Variants in ZMYM1 observed in about 807,000 individuals in gnomAD.
ZMYM1 encodes zinc finger MYM-type containing 1.
ZMYM1 carries 39 observed loss-of-function variants against 60.0 expected under a neutral mutation model. That is an observed-to-expected ratio of 0.65 (90% confidence interval 0.50 to 0.85). The LOEUF is 0.85. Among genes scored for constraint, ZMYM1 ranks in the 40% least tolerant of loss-of-function variants. The pLI, the probability that ZMYM1 is intolerant of heterozygous loss-of-function variation, is 0.00. For synonymous variants in ZMYM1, 413 were observed against 454.0 expected (o/e 0.91, Z 1.15); for missense variants, 1,171 against 1,309.5 (o/e 0.89, Z 1.63).
At chr1:35,080,405 C>T (rs1333067239) in intron 1 of ZMYM1, among the ~76,000 whole-genome samples, 1 of 151,648 alleles carries the variant, frequency 6.6e-6, no homozygotes, top group East Asian at 1.9e-4. Context: ...CAGCCTCAGC[C>T]TTCCGAGCTT....
upstream of ZMYM1, chr1:35,079,384 C>G (rs1303860252): frequency 2.0e-5 from 3 of 150,218 alleles, no homozygotes; most frequent in Non-Finnish European, 4.4e-5. Context: ...GTCGGCGGGG[C>G]CGTTTCGCTT....
chr1:35,113,793 A>G lies in ZMYM1; in HGVS notation c.1963A>G (p.Met655Val), dbSNP rs543296621. 5 of 1,613,810 alleles carry G rather than the reference A, an allele frequency of 3.1e-6. No homozygotes were observed. The highest frequency in any genetic ancestry group is 4.2e-6 in the Non-Finnish European group (5 of 1,179,894). ...IICDETINSAMKEQLSICVRY... is the reference protein window; with the variant it reads ...IICDETINSAVKEQLSICVRY... ...ATGTGATGAGACAATCAATAGTGCC[A>G]TGAAAGAACAGCTTTCAATTTGTGT... The change falls in exon 10 of 10, where the codon ATG becomes GTG. Residue 655 changes from methionine (M) to valine (V), a missense_variant. Met to Val is a conservative substitution (Grantham distance 21). Transcript: ENST00000359858.
downstream of ZMYM1, among the ~76,000 whole-genome samples, chr1:35,118,241 CAAAAAAA>C (rs11364403): frequency 2.0e-5 from 2 of 100,154 alleles, no homozygotes; most frequent in Admixed American, 9.9e-5. Flanking sequence ...AACTCCGTCT[CAAAAAAA>C]AAAAAAAAAA....
Position 35,115,458 on chromosome 1 carries a change from G to A in ZMYM1, c.*199G>A. On this transcript the variant is annotated 3_prime_UTR_variant, in exon 10 of 10. Coordinates refer to ENST00000359858, the MANE Select transcript of ZMYM1 (RefSeq NM_024772.5). ...AGAGGTATTTTTCCTAAGTGGTATT[G>A]TACGGTGTATACTGTTCTTCAGCTT... 1 of 522,120 alleles carries A rather than the reference G, an allele frequency of 1.9e-6. No homozygotes were observed. Among genetic ancestry groups the A allele is most frequent in the East Asian group, 3.6e-5 (1 of 27,860 alleles). 32.3% of individuals were successfully genotyped at this position (522,120 alleles called of 1,614,324 possible).
chr1:35,095,132 T>C (rs1643239242), intron 2 of ZMYM1, among the ~76,000 whole-genome samples: 1 of 151,924 alleles, frequency 6.6e-6, no homozygotes, highest in South Asian at 2.1e-4. Flanking sequence ...CTGAAAAAAT[T>C]GTCCTTTGTA....
chr1:35,079,701 C>A (rs1461653247), intron 1 of ZMYM1, among the ~76,000 whole-genome samples: 2 of 152,222 alleles, frequency 1.3e-5, no homozygotes, highest in Non-Finnish European at 2.9e-5. Flanking sequence ...CGATTCTCGC[C>A]GCCTCCTGCT....
intron 1 of ZMYM1, among the ~76,000 whole-genome samples, chr1:35,084,683 G>C (rs914555049): frequency 2.6e-5 from 4 of 152,190 alleles, no homozygotes; most frequent in Admixed American, 2.6e-4. Context: ...ACTCAGCATA[G>C]CTGCTATAAT....
At chr1:35,078,095 C>A (rs1642200906), upstream of ZMYM1, among the ~76,000 whole-genome samples, 1 of 152,128 alleles carries the variant, frequency 6.6e-6, no homozygotes. Context: ...GAGGAGAGAT[C>A]ATTTCAGTAA....
At chr1:35,082,578 G>A (rs1642446113) in intron 1 of ZMYM1, among the ~76,000 whole-genome samples, 1 of 151,436 alleles carries the variant, frequency 6.6e-6, no homozygotes, top group Non-Finnish European at 1.5e-5. Flanking sequence ...TGATCCGCCT[G>A]CCTCAGCCTC....
intron 1 of ZMYM1, among the ~76,000 whole-genome samples, chr1:35,073,794 A>G (rs548846971): frequency 1.3e-5 from 2 of 151,984 alleles, no homozygotes; most frequent in African/African-American, 4.8e-5. Context: ...TGTCCCTATG[A>G]TTTTGTGATG....
chr1:35,109,412 C>T (rs1214862659), intron 6 of ZMYM1, among the ~76,000 whole-genome samples: 3 of 152,268 alleles, frequency 2.0e-5, no homozygotes, highest in African/African-American at 7.2e-5. Flanking sequence ...TACAGTAATG[C>T]CTGCCTTTCA....
rs1281069747 is a variant in ZMYM1, at chr1:35,106,669, A to C, written c.807+1900A>C. On this transcript the variant is annotated intron_variant, in intron 6 of 9. Coordinates refer to ENST00000359858, the MANE Select transcript of ZMYM1 (RefSeq NM_024772.5). ...GGGAGTCAAAACAAGCCATAATTCAAATAGATCATTTGTGACTCACATCTT... is the reference window on the plus strand; with the variant it reads ...GGGAGTCAAAACAAGCCATAATTCACATAGATCATTTGTGACTCACATCTT... Among the ~76,000 whole-genome samples the C allele has an allele frequency of 8.5e-5, 13 of 152,166 alleles. No homozygotes were observed. The South Asian group carries it at 2.1e-3, about 24-fold the overall frequency.
At chr1:35,079,854 G>A (rs1442599653) in intron 1 of ZMYM1, among the ~76,000 whole-genome samples, 2 of 152,214 alleles carry the variant, frequency 1.3e-5, no homozygotes, top group African/African-American at 4.8e-5. Flanking sequence ...CCTCAAGCCT[G>A]TAATCCCGAC....
chr1:35,060,617 C>G (rs945174686), intron 1 of ZMYM1, among the ~76,000 whole-genome samples: 3 of 152,146 alleles, frequency 2.0e-5, no homozygotes, highest in African/African-American at 4.8e-5. Flanking sequence ...GTGCTGCCTC[C>G]TTCGCCCCTC....
At chr1:35,085,269 G>T (rs1052879540) in intron 1 of ZMYM1, among the ~76,000 whole-genome samples, 1 of 152,032 alleles carries the variant, frequency 6.6e-6, no homozygotes, top group Non-Finnish European at 1.5e-5. Flanking sequence ...GGATGATCTC[G>T]ATCTCCTGAC....
At chr1:35,102,656 T>C (rs1643721188) in intron 4 of ZMYM1, among the ~76,000 whole-genome samples, 2 of 152,166 alleles carry the variant, frequency 1.3e-5, no homozygotes, top group Non-Finnish European at 2.9e-5. Context: ...AGATACCCAC[T>C]TCTGGATAAT....
chr1:35,106,799 T>G (rs1400705308), intron 6 of ZMYM1, among the ~76,000 whole-genome samples: 1 of 151,992 alleles, frequency 6.6e-6, no homozygotes, highest in African/African-American at 2.4e-5. Flanking sequence ...TTTTCTTTCT[T>G]TCTTTTTGAC....
intron 3 of ZMYM1, 35 bp from the exon 4 acceptor site, chr1:35,097,282 A>G (rs1557672353): frequency 1.9e-6 from 3 of 1,546,038 alleles, no homozygotes. Context: ...TTGTGTAAAT[A>G]ACAATTTTTT....
In ZMYM1 at chr1:35,060,469, C is replaced by A. The variant is rs149010448; in HGVS notation, c.-301+544C>A. Among the ~76,000 whole-genome samples, 518 of 152,062 alleles carry A rather than the reference C, an allele frequency of 3.4e-3. 6 individuals are homozygous for A. Among genetic ancestry groups the A allele is most frequent in the African/African-American group, 0.011 (469 of 41,494 alleles). Reference sequence around the variant, plus strand: ...GCCACCGCGCCCGGCTGGAAAAAATCTATTAACAAGAATAGAGGAGGGATT... The same window carrying A: ...GCCACCGCGCCCGGCTGGAAAAAATATATTAACAAGAATAGAGGAGGGATT... On this transcript the variant is annotated intron_variant, in intron 1 of 10. Coordinates refer to the ZMYM1 transcript ENST00000417119.
Sources: allele counts gnomAD v4.1 joint callset (sites outside exome capture counted in the v4.1 genomes callset), GRCh38; gene constraint gnomAD v4.1.1; transcripts MANE v1.5; gene names NCBI Gene and HGNC (gene_info 2026-07-23, HGNC 2026-07-21).